Variants in XRCC4 observed in about 807,000 individuals in gnomAD.
XRCC4 encodes the protein DNA repair protein XRCC4.
A neutral mutation model predicts 39.1 loss-of-function variants in XRCC4; 28 were observed. The observed-to-expected ratio is 0.72, with a 90% confidence interval of 0.53 to 0.98. XRCC4 has a LOEUF of 0.98. XRCC4 is among the 50% of genes least tolerant of loss of function. XRCC4 has a pLI of 0.00. For missense variants in XRCC4, 350 were observed against 376.4 expected (o/e 0.93, Z 0.58); for synonymous variants, 123 against 126.4 (o/e 0.97, Z 0.18).
intron 3 of XRCC4, among the ~76,000 whole-genome samples, chr5:83,176,767 G>C (rs958489049): frequency 4.6e-5 from 7 of 151,988 alleles, no homozygotes; most frequent in Non-Finnish European, 8.8e-5. Flanking sequence ...GACTACAGGG[G>C]CACGCCAGCA....
At chr5:83,159,619 G>A (rs564505325) in intron 3 of XRCC4, among the ~76,000 whole-genome samples, 2 of 152,174 alleles carry the variant, frequency 1.3e-5, no homozygotes, top group African/African-American at 2.4e-5. Flanking sequence ...CTTCTTATAC[G>A]GAAAATATCG....
intron 7 of XRCC4, among the ~76,000 whole-genome samples, chr5:83,333,781 T>C (rs1756508695): frequency 1.3e-5 from 2 of 151,948 alleles, no homozygotes; most frequent in Admixed American, 1.3e-4. Flanking sequence ...TTTTTTTTTT[T>C]TTTTGGGAGA....
At chr5:83,303,708 C>T (rs1755377053) in intron 7 of XRCC4, among the ~76,000 whole-genome samples, 1 of 152,062 alleles carries the variant, frequency 6.6e-6, no homozygotes, top group Non-Finnish European at 1.5e-5. Context: ...AGCAAATTCA[C>T]TTAGAGAGGC....
chr5:83,335,514 A>AT (rs1756567704), intron 7 of XRCC4, among the ~76,000 whole-genome samples: 1 of 152,098 alleles, frequency 6.6e-6, no homozygotes, highest in East Asian at 1.9e-4. Flanking sequence ...CTTGAAATGG[A>AT]TTTTTAATCC....
At chr5:83,306,781 C>T (rs565511934) in intron 7 of XRCC4, among the ~76,000 whole-genome samples, 3 of 152,246 alleles carry the variant, frequency 2.0e-5, no homozygotes, top group South Asian at 2.1e-4. Flanking sequence ...TGCTTTAGCC[C>T]GGGCAGTGAC....
intron 3 of XRCC4, among the ~76,000 whole-genome samples, chr5:83,126,655 G>C (rs114917091): frequency 0.01 from 1,559 of 152,214 alleles, 11 homozygotes; most frequent in Non-Finnish European, 0.016. Flanking sequence ...GTAGAGCTGT[G>C]GGAAGAAGGC....
intron 7 of XRCC4, among the ~76,000 whole-genome samples, chr5:83,301,852 T>C (rs2112045403): frequency 6.6e-6 from 1 of 152,310 alleles, no homozygotes; most frequent in South Asian, 2.1e-4. Flanking sequence ...CCATTGCTTG[T>C]TTTTTCAGGT....
At chr5:83,268,914 C>T (rs1376463210) in intron 7 of XRCC4, among the ~76,000 whole-genome samples, 1 of 152,056 alleles carries the variant, frequency 6.6e-6, no homozygotes. Context: ...CCTATATATC[C>T]CATTTCAAGG....
In XRCC4 at chr5:83,094,884, C is replaced by CTTT. The variant is rs74373750; in HGVS notation, c.-10-10009_-10-10007dup. On this transcript the variant is annotated intron_variant, in intron 1 of 7. Coordinates refer to ENST00000396027, the MANE Select transcript of XRCC4 (RefSeq NM_003401.5). ...TTTTTAATAAGGATTATTCTGAAAT[C>CTTT]TTTTTTTTTTTTTTTTTTTACCATT... Among the ~76,000 whole-genome samples the CTTT allele has an allele frequency of 2.5e-3, 316 of 127,940 alleles. 6 individuals are homozygous for CTTT. Among genetic ancestry groups the CTTT allele is most frequent in the East Asian group, 0.012 (51 of 4,152 alleles). 83.9% of individuals were successfully genotyped at this position (127,940 alleles called of 152,430 possible).
chr5:83,324,675 C>T (rs438554), intron 7 of XRCC4, among the ~76,000 whole-genome samples: 148,808 of 152,192 alleles, frequency 0.98, 72,774 homozygotes, highest in East Asian at 1. Context: ...GAATTCCATA[C>T]ATGTTCATGC....
intron 7 of XRCC4, chr5:83,280,358 C>T: frequency 1.0e-5 from 5 of 494,764 alleles, no homozygotes; most frequent in Admixed American, 3.3e-5. Flanking sequence ...TCATGCATTT[C>T]CTTCATGTTT....
chr5:83,215,200 A>G (rs1468059595), intron 6 of XRCC4, among the ~76,000 whole-genome samples: 2 of 151,926 alleles, frequency 1.3e-5, no homozygotes, highest in African/African-American at 2.4e-5. Flanking sequence ...TTAGCCAGGC[A>G]TAGTGGAGCA....
chr5:83,106,025 G>A (rs1330247729), intron 2 of XRCC4, among the ~76,000 whole-genome samples: 2 of 152,106 alleles, frequency 1.3e-5, no homozygotes, highest in Admixed American at 6.5e-5. Flanking sequence ...TTTTGACACA[G>A]AACAGGTAAT....
chr5:83,315,699 TG>T (rs1460461355), intron 7 of XRCC4, among the ~76,000 whole-genome samples: 1 of 152,148 alleles, frequency 6.6e-6, no homozygotes, highest in Non-Finnish European at 1.5e-5. Context: ...GATTATAGCA[TG>T]ATTTACTGAT....
the XRCC4 span, among the ~76,000 whole-genome samples, chr5:83,367,271 T>G: frequency 6.6e-6 from 1 of 152,182 alleles, no homozygotes; most frequent in Non-Finnish European, 1.5e-5. Context: ...AACATCAGAC[T>G]CTCTTAGCAT....
rs1757145612 is a variant in XRCC4, at chr5:83,353,452, A to G, written c.*210A>G. 2.6e-6 allele frequency: 1 copy of G among 382,028 alleles called. No homozygotes were observed. The highest frequency in any genetic ancestry group is 4.4e-5 in the Admixed American group (1 of 22,476). The allele number at this position is 382,028 out of a possible 1,614,324, so 23.7% of individuals were successfully genotyped here. On this transcript the variant is annotated 3_prime_UTR_variant, in exon 8 of 8. Coordinates refer to ENST00000396027, the MANE Select transcript of XRCC4 (RefSeq NM_003401.5). ...TGACACTGGCACATTATTCTAAACT[A>G]TTCATTCAGCATGCCTATAATTACA... is the stretch of plus-strand genomic sequence containing the variant.
At chr5:83,214,161 G>A (rs1331237000) in intron 6 of XRCC4, among the ~76,000 whole-genome samples, 1 of 152,120 alleles carries the variant, frequency 6.6e-6, no homozygotes, top group African/African-American at 2.4e-5. Flanking sequence ...AAGGTTGTCT[G>A]CTCCCATCAC....
intron 7 of XRCC4, among the ~76,000 whole-genome samples, chr5:83,302,139 C>T (rs958331397): frequency 1.3e-5 from 2 of 152,036 alleles, no homozygotes; most frequent in Non-Finnish European, 2.9e-5. Context: ...TCCTAGCTTG[C>T]TGGGTTCCGT....
At chr5:83,130,705 T>A (rs1400759333) in intron 3 of XRCC4, among the ~76,000 whole-genome samples, 3 of 152,166 alleles carry the variant, frequency 2.0e-5, no homozygotes, top group Non-Finnish European at 4.4e-5. Flanking sequence ...TGGGAGGGTG[T>A]ATGTGTCGAG....
Sources: allele counts gnomAD v4.1 joint callset (sites outside exome capture counted in the v4.1 genomes callset), GRCh38; gene constraint gnomAD v4.1.1; transcripts MANE v1.5; gene names NCBI Gene and HGNC (gene_info 2026-07-23, HGNC 2026-07-21).